Variants in DACH2 observed in about 807,000 individuals in gnomAD.
The protein encoded by DACH2 is dachshund homolog 2.
A neutral mutation model predicts 35.8 loss-of-function variants in DACH2; 17 were observed. The ratio of observed to expected loss-of-function variants is 0.48; its 90% CI spans 0.33 to 0.71. The LOEUF (loss-of-function observed/expected upper bound fraction) is 0.71, where lower values mean the gene tolerates loss of function less well. Among genes scored for constraint, DACH2 ranks in the 30% least tolerant of loss-of-function variants. DACH2 has a pLI of 0.02. For synonymous variants in DACH2, 195 were observed against 177.3 expected (o/e 1.10, Z -0.79); for missense variants, 469 against 472.7 (o/e 0.99, Z 0.07).
intron 6 of DACH2, among the ~76,000 whole-genome samples, chrX:86,737,484 G>A (rs1349672466): frequency 8.9e-6 from 1 of 111,742 alleles, no homozygotes; most frequent in Non-Finnish European, 1.9e-5. Flanking sequence ...AAAATTGTTG[G>A]ATGTTAATGA....
chrX:86,321,791 C>T (rs997136180), intron 1 of DACH2, among the ~76,000 whole-genome samples: 4 of 112,204 alleles, frequency 3.6e-5, no homozygotes, highest in East Asian at 2.8e-4. Flanking sequence ...TAAACACTTG[C>T]GTTAAATTTT....
intron 7 of DACH2, among the ~76,000 whole-genome samples, chrX:86,773,688 A>G (rs759092859): frequency 2.3e-4 from 26 of 111,988 alleles, no homozygotes; most frequent in African/African-American, 8.1e-4. Context: ...ATTTCAACAC[A>G]TTCACACAGT....
chrX:86,641,231 G>A lies in DACH2; in HGVS notation c.641-9805G>A, dbSNP rs1418291588. Among the ~76,000 whole-genome samples the A allele has an allele frequency of 2.7e-5, 3 of 111,895 alleles. No homozygotes were observed. In the Admixed American group the frequency reaches 2.9e-4, roughly 11 times the overall value. On this transcript the variant is annotated intron_variant, in intron 3 of 11. Transcript: ENST00000373125. ...CAATAAAGTGATACAGGAGCTGAAG[G>A]ACAAAACAGTCAGTGTAAAGAAGAA...
intron 7 of DACH2, among the ~76,000 whole-genome samples, chrX:86,786,375 A>G (rs1450197052): frequency 9.2e-6 from 1 of 108,707 alleles, no homozygotes; most frequent in African/African-American, 3.3e-5. Flanking sequence ...CTTGTTAATG[A>G]TTATATCACA....
At chrX:86,396,789 T>C (rs1265023115) in intron 2 of DACH2, among the ~76,000 whole-genome samples, 1 of 111,296 alleles carries the variant, frequency 9.0e-6, no homozygotes, top group Non-Finnish European at 1.9e-5. Flanking sequence ...TTGGTTACTG[T>C]AGCCTTGTAG....
intron 6 of DACH2, among the ~76,000 whole-genome samples, chrX:86,720,768 G>C (rs1421084714): frequency 8.9e-6 from 1 of 112,561 alleles, no homozygotes; most frequent in African/African-American, 3.2e-5. Flanking sequence ...ATCTGTGTGG[G>C]GGTCACATGA....
intron 7 of DACH2, among the ~76,000 whole-genome samples, chrX:86,804,363 C>G (rs915206029): frequency 1.8e-5 from 2 of 111,476 alleles, no homozygotes; most frequent in Non-Finnish European, 3.8e-5. Context: ...TGGTGCTAGA[C>G]CGTTCATGAG....
chrX:86,289,696 T>C, intron 1 of DACH2, among the ~76,000 whole-genome samples: 1 of 106,809 alleles, frequency 9.4e-6, no homozygotes, highest in Non-Finnish European at 1.9e-5. Context: ...CTTGCGATAG[T>C]TTACTGAGAA....
chrX:86,415,296 T>G (rs774040807), intron 2 of DACH2, among the ~76,000 whole-genome samples: 10 of 111,978 alleles, frequency 8.9e-5, no homozygotes, highest in Admixed American at 2.9e-4. Flanking sequence ...TAGAAGCACT[T>G]GGTCAAAGTT....
At chrX:86,472,268 G>A (rs1602557999) in intron 2 of DACH2, among the ~76,000 whole-genome samples, 1 of 111,562 alleles carries the variant, frequency 9.0e-6, no homozygotes, top group South Asian at 3.8e-4. Flanking sequence ...GTCAGAGAAA[G>A]AGATGTGGCA....
intron 1 of DACH2, 135 bp downstream of exon 1, chrX:86,149,243 G>T: frequency 1.3e-6 from 1 of 794,116 alleles, no homozygotes; most frequent in Non-Finnish European, 1.7e-6. Context: ...GCTGTAAATC[G>T]GTGGGGAAAG....
intron 3 of DACH2, among the ~76,000 whole-genome samples, chrX:86,542,487 C>G (rs1435616120): frequency 9.0e-6 from 1 of 111,501 alleles, no homozygotes; most frequent in Non-Finnish European, 1.9e-5. Flanking sequence ...TCTGTTACAC[C>G]TTTGATCTCC....
intron 1 of DACH2, among the ~76,000 whole-genome samples, chrX:86,242,286 C>T (rs2033182248): frequency 8.9e-6 from 1 of 112,648 alleles, no homozygotes; most frequent in African/African-American, 3.2e-5. Flanking sequence ...GAGCCCACCC[C>T]TTGCATCACT....
At chrX:86,335,585 T>G (rs2035292769) in intron 1 of DACH2, among the ~76,000 whole-genome samples, 1 of 112,046 alleles carries the variant, frequency 8.9e-6, no homozygotes, top group Non-Finnish European at 1.9e-5. Context: ...TTGTGATTTT[T>G]GCACATTGAT....
chrX:86,681,253 A>G (rs769947639), intron 4 of DACH2, among the ~76,000 whole-genome samples: 2 of 111,438 alleles, frequency 1.8e-5, no homozygotes, highest in Non-Finnish European at 3.8e-5. Flanking sequence ...CTTGAAAAAT[A>G]ATTTTAGCTG....
intron 3 of DACH2, among the ~76,000 whole-genome samples, chrX:86,533,037 T>TATTTATTTATTTA (rs1569430897): frequency 9.0e-6 from 1 of 111,121 alleles, no homozygotes; most frequent in South Asian, 3.7e-4. Flanking sequence ...ACTTACATTG[T>TATTTATTTATTTA]TTTATTTATT....
chrX:86,480,149 T>C (rs979537569), intron 2 of DACH2, among the ~76,000 whole-genome samples: 4 of 112,320 alleles, frequency 3.6e-5, no homozygotes, highest in Non-Finnish European at 5.6e-5. Flanking sequence ...CAAAAGAACC[T>C]GGGCATTGTG....
At chrX:86,712,819 T>G (rs1253859904) in intron 5 of DACH2, among the ~76,000 whole-genome samples, 1 of 110,754 alleles carries the variant, frequency 9.0e-6, no homozygotes, top group African/African-American at 3.3e-5. Context: ...TGAACACGGA[T>G]AGGAGAAAAG....
chrX:86,750,976 T>C (rs1285412090), intron 7 of DACH2, among the ~76,000 whole-genome samples: 1 of 111,536 alleles, frequency 9.0e-6, no homozygotes, highest in African/African-American at 3.3e-5. Flanking sequence ...AGCTGGATCA[T>C]ATGGCTATTT....
Sources: allele counts gnomAD v4.1 joint callset (sites outside exome capture counted in the v4.1 genomes callset), GRCh38; gene constraint gnomAD v4.1.1; transcripts MANE v1.5; gene names NCBI Gene and HGNC (gene_info 2026-07-23, HGNC 2026-07-21).